The following AAMP variants were observed in gnomAD, a reference collection of about 807,000 sequenced individuals.
AAMP encodes the protein angio associated migratory cell protein.
A neutral mutation model predicts 51.1 loss-of-function variants in AAMP; 12 were observed. The observed-to-expected ratio is 0.23, with a 90% CI of 0.15 to 0.38. The LOEUF is 0.38. AAMP is among the 10% of genes least tolerant of loss of function. The pLI is 1.00. For missense variants in AAMP, 418 were observed against 557.2 expected, an observed-to-expected ratio of 0.75 and a Z score of 2.52; for synonymous variants, 210 against 218.7, an observed-to-expected ratio of 0.96 and a Z score of 0.35.
In AAMP at chr2:218,265,210, G is replaced by A; in HGVS notation, c.1075-36C>T. On this transcript the variant is annotated intron_variant, in intron 9 of 10. Coordinates refer to ENST00000248450, the MANE Select transcript of AAMP (RefSeq NM_001087.5). This position sits in a 1 kb window ranked among gnomAD's most constrained non-coding sequence, Gnocchi z 6.6. ...GAATGACAGAGGCAGGGCGGAGGTT[G>A]GCAGGAGAGCTGAGAGCCATCTGCT... 6.4e-7 allele frequency: 1 copy of A among 1,569,202 alleles called. No individual in the cohort carries two copies. Among genetic ancestry groups the A allele is most frequent in the Non-Finnish European group, 8.6e-7 (1 of 1,157,780 alleles).
At chr2:218,269,872 C>G in intron 1 of AAMP, 94 bp downstream of exon 1, 1 of 1,561,058 alleles carries the variant, frequency 6.4e-7, no homozygotes, top group East Asian at 2.2e-5. Context: ...GTAGGAATGA[C>G]CAGTCGGGTG....
intron 1 of AAMP, 133 bp downstream of exon 1, chr2:218,269,833 A>T: frequency 7.3e-7 from 1 of 1,372,718 alleles, no homozygotes; most frequent in Non-Finnish European, 1.0e-6. Flanking sequence ...TGAGGGTGGG[A>T]GTGGGGGAGG....
chr2:218,266,689 C>A lies in AAMP; in HGVS notation c.535-102G>T. ...AAGGTTTCCTGCCTCTGGGGTTCCG[C>A]GGGGACTTTCCAGGTAGCAGGTAGA... On this transcript the variant is annotated intron_variant, in intron 4 of 10. Transcript: ENST00000248450. This position sits in a 1 kb window ranked among gnomAD's most constrained non-coding sequence, Gnocchi z 4.7. 2 of 1,554,004 alleles carry A rather than the reference C, an allele frequency of 1.3e-6. No individual in the cohort carries two copies. The highest frequency in any genetic ancestry group is 1.4e-5 in the African/African-American group (1 of 73,536).
Position 218,270,005 on chromosome 2 carries a change from T to C in AAMP, c.82A>G (p.Ile28Val). 1 of 1,614,106 alleles carries C rather than the reference T, an allele frequency of 6.2e-7. No homozygotes were observed. Among genetic ancestry groups the C allele is most frequent in the Non-Finnish European group, 8.5e-7 (1 of 1,179,998 alleles). ...CCGGGATCAAGTTCTACCACCTCGA[T>C]AATCTCTTCATCACCATGGAAGCTT... Reference protein sequence around the residue: ...TLSFHGDEEIIEVVELDPGPP... With the variant: ...TLSFHGDEEIVEVVELDPGPP... Residue 28 changes from isoleucine to valine, a missense_variant, in exon 1 of 11, where the codon ATC becomes GTC. Coordinates refer to ENST00000248450, the MANE Select transcript of AAMP (RefSeq NM_001087.5).
chr2:218,265,008 C>G lies in AAMP; in HGVS notation c.1229+12G>C. The stretch of plus-strand genomic sequence containing the variant: ...ATACACAAAGATCCCAGCCCTTGGC[C>G]AATTCACTTACTTGCTGAGGGCAAA... On this transcript the variant is annotated intron_variant, in intron 10 of 10. Coordinates refer to ENST00000248450, the MANE Select transcript of AAMP (RefSeq NM_001087.5). The surrounding 1 kb of genome is among the most constrained non-coding windows in gnomAD (Gnocchi z 6.6). 6.2e-7 allele frequency: 1 copy of G among 1,613,706 alleles called. No individual in the cohort carries two copies.
chr2:218,269,846 G>A, intron 1 of AAMP, 120 bp downstream of exon 1: 1 of 1,464,528 alleles, frequency 6.8e-7, no homozygotes, highest in African/African-American at 1.4e-5. Context: ...GGGGGAGGAG[G>A]GGAAGAGGGA....
rs938331226 is a variant in AAMP at position 218,269,715 on chromosome 2, C to T, written c.122-181G>A. 1.3e-4 allele frequency: 151 copies of T among 1,153,148 alleles called. 3 individuals are homozygous for T. In the South Asian group the frequency reaches 2.1e-3, roughly 16 times the overall value. The allele number at this position is 1,153,148 out of a possible 1,614,324, so 71.4% of individuals were successfully genotyped here. A position where few individuals can be genotyped will look rare whatever the true frequency, so the allele number is the denominator to read the frequency against. ...CGGGAGGCCACGGCTGGCCAGAGACCGTGCGGTAAGGGAGGGCCAAGGGGA... is the reference window on the plus strand; with the variant it reads ...CGGGAGGCCACGGCTGGCCAGAGACTGTGCGGTAAGGGAGGGCCAAGGGGA... On this transcript the variant is annotated intron_variant, in intron 1 of 10. Transcript: ENST00000248450.
intron 10 of AAMP, 123 bp from the exon 11 acceptor site, chr2:218,264,731 A>G: frequency 2.2e-6 from 2 of 905,446 alleles, no homozygotes; most frequent in Non-Finnish European, 1.8e-6. Context: ...CACTGGGCCG[A>G]CATCTCTGCA....
rs761248862 is a variant in AAMP at position 218,270,104 on chromosome 2, T to G, written c.-18A>C. ...GACTCCATGCGGCGCAAGCGGCGGATCCACTTCTCTGGGCCCAAACGCCTC... is the reference window on the plus strand; with the variant it reads ...GACTCCATGCGGCGCAAGCGGCGGAGCCACTTCTCTGGGCCCAAACGCCTC... On this transcript the variant is annotated 5_prime_UTR_variant, in exon 1 of 11. Coordinates refer to ENST00000248450, the MANE Select transcript of AAMP (RefSeq NM_001087.5). 1.2e-6 allele frequency: 2 copies of G among 1,613,030 alleles called. No individual in the cohort carries two copies. The highest frequency in any genetic ancestry group is 2.7e-5 in the African/African-American group (2 of 74,904).
chr2:218,264,548 T>C lies in AAMP; in HGVS notation c.1290A>G (p.Gln430=), dbSNP rs775465480. ...GCTGCAGCCATTAACGGTCAGGCCT[T>C]TGGACACAAAATACTTTCGCTTTGT... ...GDHKAKVFCV[Q]RPDR Residue 430 remains glutamine, a synonymous_variant, in exon 11 of 11, where the codon CAA becomes CAG. Transcript: ENST00000248450. 1 of 1,614,136 alleles carries C rather than the reference T, an allele frequency of 6.2e-7. No individual in the cohort carries two copies. The highest frequency in any genetic ancestry group is 2.2e-5 in the East Asian group (1 of 44,886).
Position 218,266,138 on chromosome 2 carries a change from GC to G in AAMP, c.688del (p.Ala230LeufsTer3). On this transcript the variant is annotated frameshift_variant, in exon 6 of 11. Coordinates refer to ENST00000248450, the MANE Select transcript of AAMP (RefSeq NM_001087.5). LOFTEE classifies it high-confidence loss of function. The surrounding 1 kb of genome is among the most constrained non-coding windows in gnomAD (Gnocchi z 4.7). ...GGTCCCATCTTCATAGCCTACCACAGCTCTCTTCCCTGAAGAGAGGCACAGA... is the reference window on the plus strand; with the variant it reads ...GGTCCCATCTTCATAGCCTACCACAGTCTCTTCCCTGAAGAGAGGCACAGA... ...CGRVLPDGKRAVVGYEDGTIR... is the reference protein window; with the variant it reads ...CGRVLPDGKRXVVGYEDGTIR... 1 of 1,614,058 alleles carries G rather than the reference GC, an allele frequency of 6.2e-7. No individual in the cohort carries two copies. The highest frequency in any genetic ancestry group is 8.5e-7 in the Non-Finnish European group (1 of 1,179,958).
Position 218,264,337 on chromosome 2 carries a change from A to G in AAMP, c.*196T>C, listed in dbSNP as rs2382816. 0.99 allele frequency: 584,338 copies of G among 592,814 alleles called. 288,366 individuals carry two copies. Among genetic ancestry groups the G allele is most frequent in the East Asian group, 1 (35,722 of 35,722 alleles). The allele number at this position is 592,814 out of a possible 1,614,324, so 36.7% of individuals were successfully genotyped here. A position where few individuals can be genotyped will look rare whatever the true frequency, so the allele number is the denominator to read the frequency against. ...CCTCTGAAGGGCCCACCAGGTCTGGACAAGGGTGGGAGGGCCCTGGGCTGG... is the reference window on the plus strand; with the variant it reads ...CCTCTGAAGGGCCCACCAGGTCTGGGCAAGGGTGGGAGGGCCCTGGGCTGG... On this transcript the variant is annotated 3_prime_UTR_variant, in exon 11 of 11. Coordinates refer to ENST00000248450, the MANE Select transcript of AAMP (RefSeq NM_001087.5).
Position 218,267,039 on chromosome 2 carries a change from TG to T in AAMP, c.395-54del. ...AGGAAAAAAATAGGGTACCTGGTGC[TG>T]GGGGCATGTGATTCTGGTATCTGGC... On this transcript the variant is annotated intron_variant, in intron 3 of 10. Coordinates refer to ENST00000248450, the MANE Select transcript of AAMP (RefSeq NM_001087.5). The surrounding 1 kb of genome is among the most constrained non-coding windows in gnomAD (Gnocchi z 4.6). The T allele has an allele frequency of 1.3e-6, 2 of 1,599,334 alleles. No homozygotes were observed. The highest frequency in any genetic ancestry group is 1.3e-5 in the African/African-American group (1 of 74,432).
At position 218,264,469 on chromosome 2, in the gene AAMP, GCAGACAGGGGC is replaced by G; in HGVS notation, c.*53_*63del. On this transcript the variant is annotated 3_prime_UTR_variant, in exon 11 of 11. Coordinates refer to ENST00000248450, the MANE Select transcript of AAMP (RefSeq NM_001087.5). The stretch of plus-strand genomic sequence containing the variant: ...CCTCTGTGCCCTACTGCCTCTGCTG[GCAGACAGGGGC>G]AGGGGTCCCTTCGTCCCCTCAACAC... The G allele has an allele frequency of 1.3e-6, 2 of 1,504,502 alleles. No individual in the cohort carries two copies. The highest frequency in any genetic ancestry group is 1.9e-6 in the Non-Finnish European group (2 of 1,080,986). 93.2% of individuals were successfully genotyped at this position (1,504,502 alleles called of 1,614,324 possible).
chr2:218,265,226 G>A lies in AAMP; in HGVS notation c.1075-52C>T, dbSNP rs1690594561. ...GCGGAGGTTGGCAGGAGAGCTGAGAGCCATCTGCTCCCAATTCTCAAAGAG... is the reference window on the plus strand; with the variant it reads ...GCGGAGGTTGGCAGGAGAGCTGAGAACCATCTGCTCCCAATTCTCAAAGAG... On this transcript the variant is annotated intron_variant, in intron 9 of 10. Transcript: ENST00000248450. This position sits in a 1 kb window ranked among gnomAD's most constrained non-coding sequence, Gnocchi z 6.6. 4 of 1,566,678 alleles carry A rather than the reference G, an allele frequency of 2.6e-6. No individual in the cohort carries two copies. In the East Asian group the frequency reaches 9.0e-5, roughly 35 times the overall value.
chr2:218,269,836 G>T (rs755260886), intron 1 of AAMP, 130 bp downstream of exon 1: 3 of 1,404,528 alleles, frequency 2.1e-6, no homozygotes, highest in African/African-American at 1.4e-5. Flanking sequence ...GGGTGGGAGT[G>T]GGGGAGGAGG....
chr2:218,269,560 TG>T (rs1258468480), intron 1 of AAMP, 26 bp from the exon 2 acceptor site: 5 of 1,613,726 alleles, frequency 3.1e-6, no homozygotes, highest in East Asian at 4.5e-5. Flanking sequence ...GGTTAGAAGA[TG>T]GGGCTCGGGA....
Position 218,270,062 on chromosome 2 carries a change from C to T in AAMP, c.25G>A (p.Ala9Thr). 6.2e-7 allele frequency: 1 copy of T among 1,614,060 alleles called. No individual in the cohort carries two copies. The highest frequency in any genetic ancestry group is 1.1e-5 in the South Asian group (1 of 91,082). The change falls in exon 1 of 11, where the codon GCT becomes ACT. Residue 9 changes from alanine to threonine, a missense_variant. Transcript: ENST00000248450. The stretch of plus-strand genomic sequence containing the variant: ...TCCAGTGGGGGGGTGTCAGCAGCAG[C>T]CCCGCTTTCCGATTCGGACTCCATG... MESESESGAAADTPPLETL... is the reference protein window; with the variant it reads MESESESGTAADTPPLETL...
chr2:218,267,404 G>A lies in AAMP; in HGVS notation c.394+90C>T, dbSNP rs1410354212. On this transcript the variant is annotated intron_variant, in intron 3 of 10. Transcript: ENST00000248450. This position sits in a 1 kb window ranked among gnomAD's most constrained non-coding sequence, Gnocchi z 4.6. The stretch of plus-strand genomic sequence containing the variant: ...GGCACAAAAGAGATGTCACTAAGTG[G>A]CTGTTGGATGCACAACCTCTGCAGG... The A allele has an allele frequency of 3.2e-6, 5 of 1,551,516 alleles. No individual in the cohort carries two copies. Among genetic ancestry groups the A allele is most frequent in the Non-Finnish European group, 1.8e-6 (2 of 1,136,302 alleles).
Sources: allele counts gnomAD v4.1 joint callset, GRCh38; gene constraint gnomAD v4.1.1; non-coding constraint Gnocchi (gnomAD v3.1); transcripts MANE v1.5; gene names NCBI Gene and HGNC (gene_info 2026-07-23, HGNC 2026-07-21).